ULK4: variants seen among roughly 807,000 people sequenced by gnomAD.
The protein encoded by ULK4 is unc-51 like kinase 4, also known as inactive serine/threonine-protein kinase ULK4.
Under a neutral mutation model 160.6 loss-of-function variants are expected in ULK4, and 133 were observed. The observed-to-expected ratio is 0.83, with a 90% CI of 0.72 to 0.96. The LOEUF is 0.96. Ranked by LOEUF, ULK4 falls within the 40% of genes least tolerant of loss-of-function variation. ULK4 has a pLI of 0.00. For missense variants in ULK4, 1,580 were observed against 1,499.5 expected, an observed-to-expected ratio of 1.05 and a Z score of -0.89; for synonymous variants, 534 against 539.8, an observed-to-expected ratio of 0.99 and a Z score of 0.15.
chr3:41,502,408 A>G (rs1392848666), intron 32 of ULK4, among the ~76,000 whole-genome samples: 1 of 152,336 alleles, frequency 6.6e-6, no homozygotes, highest in Non-Finnish European at 1.5e-5. Context: ...TGTAAAGTTT[A>G]AAAGCACATT....
chr3:41,516,092 A>C (rs1179372546), intron 32 of ULK4, among the ~76,000 whole-genome samples: 1 of 152,164 alleles, frequency 6.6e-6, no homozygotes, highest in African/African-American at 2.4e-5. Flanking sequence ...ATAAAATATA[A>C]CAAAAGATTG....
chr3:41,895,845 T>G (rs757853533), intron 15 of ULK4, among the ~76,000 whole-genome samples: 6 of 152,152 alleles, frequency 3.9e-5, no homozygotes, highest in African/African-American at 9.7e-5. Context: ...AAAGTAACCT[T>G]AATACTATCC....
intron 17 of ULK4, among the ~76,000 whole-genome samples, chr3:41,851,325 T>C (rs1247300706): frequency 1.3e-5 from 2 of 152,208 alleles, no homozygotes; most frequent in Non-Finnish European, 2.9e-5. Context: ...TCTGCATCTA[T>C]TGAGATAATC....
chr3:41,311,023 TAAAAG>T lies in ULK4; in HGVS notation c.3679-61454_3679-61450del, dbSNP rs146883753. Among the ~76,000 whole-genome samples, 613 of 149,934 alleles carry T rather than the reference TAAAAG, an allele frequency of 4.1e-3. 3 individuals are homozygous for T. Among genetic ancestry groups the T allele is most frequent in the African/African-American group, 0.015 (592 of 40,436 alleles). On this transcript the variant is annotated intron_variant, in intron 35 of 36. Coordinates refer to ENST00000301831, the MANE Select transcript of ULK4 (RefSeq NM_017886.4). ...AAAATAATAATAATAAATAAATAAA[TAAAAG>T]GAAAGAAGGAAGGAAGGGAGGGAAG...
intron 34 of ULK4, among the ~76,000 whole-genome samples, chr3:41,450,553 C>CAA (rs2083403046): frequency 1.3e-5 from 2 of 152,194 alleles, no homozygotes; most frequent in Non-Finnish European, 2.9e-5. Context: ...GAAAAAACCT[C>CAA]AAAAGCTAAC....
intron 31 of ULK4, among the ~76,000 whole-genome samples, chr3:41,602,789 T>A (rs1158347962): frequency 6.6e-6 from 1 of 152,002 alleles, no homozygotes; most frequent in Non-Finnish European, 1.5e-5. Flanking sequence ...AGACTGTAAC[T>A]TACATATTTC....
chr3:41,911,099 T>C (rs1369733640), intron 11 of ULK4, among the ~76,000 whole-genome samples: 1 of 152,086 alleles, frequency 6.6e-6, no homozygotes, highest in African/African-American at 2.4e-5. Flanking sequence ...AATAAGTTGG[T>C]TTGGTTAAAA....
chr3:41,746,272 C>CAAAAAA lies in ULK4; in HGVS notation c.2321+8083_2321+8088dup, dbSNP rs34582395. Among the ~76,000 whole-genome samples, 305 of 45,690 alleles carry CAAAAAA rather than the reference C, an allele frequency of 6.7e-3. 38 individuals carry two copies. Among genetic ancestry groups the CAAAAAA allele is most frequent in the African/African-American group, 0.031 (292 of 9,376 alleles). The allele number at this position is 45,690 out of a possible 152,430, so 30.0% of individuals were successfully genotyped here. On this transcript the variant is annotated intron_variant, in intron 22 of 36. Transcript: ENST00000301831. The stretch of plus-strand genomic sequence containing the variant: ...TATATAGAAAATCTCCTGGAACCCA[C>CAAAAAA]AAAAAAAAAAAAAAAAAAAAAAAAC...
chr3:41,532,373 C>T (rs1228157813), intron 32 of ULK4, among the ~76,000 whole-genome samples: 1 of 152,226 alleles, frequency 6.6e-6, no homozygotes, highest in Non-Finnish European at 1.5e-5. Flanking sequence ...AACCTCTACT[C>T]CCATCCAGAT....
intron 32 of ULK4, among the ~76,000 whole-genome samples, chr3:41,493,313 T>C: frequency 6.9e-6 from 1 of 145,082 alleles, no homozygotes; most frequent in African/African-American, 2.6e-5. Flanking sequence ...CTGAACAACC[T>C]GCTCCTGAAT....
intron 17 of ULK4, among the ~76,000 whole-genome samples, chr3:41,839,500 G>A (rs2041850999): frequency 6.7e-6 from 1 of 149,830 alleles, no homozygotes; most frequent in Non-Finnish European, 1.5e-5. Context: ...TTTAAAAAAT[G>A]ATAAAACTAT....
chr3:41,917,944 G>A (rs564321367), intron 7 of ULK4, among the ~76,000 whole-genome samples: 12 of 151,854 alleles, frequency 7.9e-5, no homozygotes, highest in Admixed American at 2.0e-4. Flanking sequence ...CCGAGAACAC[G>A]CCACTGCACT....
intron 35 of ULK4, among the ~76,000 whole-genome samples, chr3:41,356,666 A>G (rs2081035740): frequency 6.6e-6 from 1 of 152,216 alleles, no homozygotes; most frequent in African/African-American, 2.4e-5. Context: ...TACCTGCACA[A>G]TCAGAAAATT....
intron 22 of ULK4, among the ~76,000 whole-genome samples, chr3:41,731,678 A>G (rs1482253734): frequency 3.1e-4 from 36 of 115,574 alleles, no homozygotes; most frequent in African/African-American, 2.8e-3. Flanking sequence ...TTTTGGGGGA[A>G]AAAAAAAAAA....
intron 5 of ULK4, among the ~76,000 whole-genome samples, chr3:41,922,066 T>C (rs1256756024): frequency 6.6e-6 from 1 of 152,008 alleles, no homozygotes; most frequent in Non-Finnish European, 1.5e-5. Context: ...GGCAGGAGAA[T>C]GGCATGAACC....
intron 36 of ULK4, 54 bp downstream of exon 36, chr3:41,249,435 T>G: frequency 6.5e-7 from 1 of 1,529,070 alleles, no homozygotes; most frequent in Non-Finnish European, 9.0e-7. Context: ...AAGGAATGGC[T>G]GAGAGTGTGT....
rs751812416 is a variant in ULK4 at position 41,401,981 on chromosome 3, C to T, written c.3493-3717G>A. ...CTTTCTTTTTAGGTTTTAATCTACC[C>T]TTTTCTTTAAGCCTTTGATCTGAGA... is the stretch of plus-strand genomic sequence containing the variant. On this transcript the variant is annotated intron_variant, in intron 34 of 36. Coordinates refer to ENST00000301831, the MANE Select transcript of ULK4 (RefSeq NM_017886.4). Among the ~76,000 whole-genome samples, 27 of 152,114 alleles carry T rather than the reference C, an allele frequency of 1.8e-4. 1 individual carries two copies. The highest frequency in any genetic ancestry group is 7.2e-4 in the Admixed American group (11 of 15,252).
chr3:41,248,124 C>T (rs1031827332), intron 36 of ULK4, among the ~76,000 whole-genome samples: 2 of 152,182 alleles, frequency 1.3e-5, no homozygotes, highest in African/African-American at 4.8e-5. Flanking sequence ...AGCTATAGGT[C>T]CCTACTATGA....
intron 32 of ULK4, among the ~76,000 whole-genome samples, chr3:41,541,698 C>G (rs746695541): frequency 6.6e-6 from 1 of 152,066 alleles, no homozygotes; most frequent in Non-Finnish European, 1.5e-5. Context: ...CCCTCTCTCA[C>G]CACCTTGAGC....
Sources: allele counts gnomAD v4.1 joint callset (sites outside exome capture counted in the v4.1 genomes callset), GRCh38; gene constraint gnomAD v4.1.1; transcripts MANE v1.5; gene names NCBI Gene and HGNC (gene_info 2026-07-23, HGNC 2026-07-21).